LCK: variants seen among roughly 807,000 people sequenced by gnomAD.
LCK encodes tyrosine-protein kinase Lck.
A neutral mutation model predicts 64.6 loss-of-function variants in LCK; 14 were observed. The observed-to-expected ratio is 0.22, with a 90% CI of 0.14 to 0.34. LCK has a LOEUF of 0.34. Ranked by LOEUF, LCK falls within the 10% of genes least tolerant of loss-of-function variation. LCK has a pLI of 1.00. For synonymous variants in LCK, 277 were observed against 263.6 expected, an observed-to-expected ratio of 1.05 and a Z score of -0.49; for missense variants, 434 against 668.1, an observed-to-expected ratio of 0.65 and a Z score of 3.86.
At chr1:32,268,044 A>G (rs1188225162) in intron 1 of LCK, among the ~76,000 whole-genome samples, 1 of 151,690 alleles carries the variant, frequency 6.6e-6, no homozygotes, top group East Asian at 1.9e-4. Context: ...AATATAAAAA[A>G]TCAGCCAGGT....
chr1:32,261,952 GAAAAAA>G (rs934560000), intron 1 of LCK, among the ~76,000 whole-genome samples: 1 of 40,116 alleles, frequency 2.5e-5, no homozygotes, highest in Admixed American at 2.8e-4. Flanking sequence ...GACTCTGTCA[GAAAAAA>G]AAAAAAAAAA....
At chr1:32,283,231 G>A (rs1382005533) in intron 12 of LCK, among the ~76,000 whole-genome samples, 1 of 149,428 alleles carries the variant, frequency 6.7e-6, no homozygotes, top group Non-Finnish European at 1.5e-5. Flanking sequence ...GGAGGTTGCA[G>A]TGAGCCGAGA....
intron 1 of LCK, among the ~76,000 whole-genome samples, chr1:32,263,183 G>GCCCAT: frequency 2.6e-5 from 4 of 151,816 alleles, no homozygotes; most frequent in African/African-American, 9.7e-5. Context: ...CTTGAGGTTG[G>GCCCAT]GAGTTCGAGA....
intron 1 of LCK, among the ~76,000 whole-genome samples, chr1:32,272,648 A>AGAGAGAGAGAGAGAGC (rs1640115625): frequency 7.6e-6 from 1 of 132,168 alleles, no homozygotes; most frequent in Non-Finnish European, 1.5e-5. Context: ...AGAGAGAGAG[A>AGAGAGAGAGAGAGAGC]GCGAGAGAGC....
rs1170499196 is a variant in LCK at position 32,251,921 on chromosome 1, A to G, written c.-6+550A>G. 6.6e-6 allele frequency among the ~76,000 whole-genome samples: 1 copy of G among 151,876 alleles called. No homozygotes were observed. The highest frequency in any genetic ancestry group is 1.9e-4 in the East Asian group (1 of 5,154). On this transcript the variant is annotated intron_variant, in intron 1 of 12. Transcript: ENST00000336890. The surrounding 1 kb of genome is among the most constrained non-coding windows in gnomAD (Gnocchi z 4.0). ...GAGAGAGAGAGAGAGAGAGAGAGAG[A>G]GAGAGAGAGAGAGAGACAGAGATCA...
intron 1 of LCK, among the ~76,000 whole-genome samples, chr1:32,267,989 T>C (rs1352450357): frequency 1.3e-5 from 2 of 151,826 alleles, no homozygotes; most frequent in African/African-American, 2.4e-5. Flanking sequence ...GGTGAGGAGA[T>C]TGAGACCATC....
intron 1 of LCK, among the ~76,000 whole-genome samples, chr1:32,259,635 T>TA (rs200535845): frequency 1.4e-3 from 205 of 148,802 alleles, no homozygotes; most frequent in African/African-American, 4.8e-3. Context: ...ATAAAAATAA[T>TA]AATAATAATA....
chr1:32,280,710 C>A (rs1640433029), intron 12 of LCK, among the ~76,000 whole-genome samples: 1 of 152,070 alleles, frequency 6.6e-6, no homozygotes, highest in African/African-American at 2.4e-5. Flanking sequence ...CTGCCTCGGC[C>A]TCCCAGTGTT....
chr1:32,263,441 A>T (rs1263367414), intron 1 of LCK, among the ~76,000 whole-genome samples: 3 of 118,476 alleles, frequency 2.5e-5, no homozygotes, highest in African/African-American at 1.3e-4. Flanking sequence ...AAATAAATAA[A>T]TAAATAAAAA....
intron 9 of LCK, chr1:32,277,046 CT>C (rs1640301087): frequency 4.2e-6 from 1 of 239,714 alleles, no homozygotes; most frequent in African/African-American, 2.3e-5. Flanking sequence ...TCTGTCTCTA[CT>C]AAAAATACAA....
At chr1:32,252,160 CAG>C (rs1359656739) in intron 1 of LCK, among the ~76,000 whole-genome samples, 2 of 152,100 alleles carry the variant, frequency 1.3e-5, no homozygotes, top group Non-Finnish European at 2.9e-5. Context: ...TTATCCCAGA[CAG>C]GGGTGCAGTT....
Position 32,274,756 on chromosome 1 carries a change from C to G in LCK, c.125C>G (p.Ser42Cys). 2 of 1,599,660 alleles carry G rather than the reference C, an allele frequency of 1.3e-6. No homozygotes were observed. ...CCACAGCTGCTCATCCGAAATGGCT[C>G]TGAGGTGCGGGACCCACTGGTTACC... ...GKGTLLIRNGSEVRDPLVTYE... is the reference protein window; with the variant it reads ...GKGTLLIRNGCEVRDPLVTYE... Residue 42 changes from serine to cysteine, a missense_variant, in exon 3 of 13, where the codon TCT becomes TGT. Transcript: ENST00000336890.
At chr1:32,278,089 G>A (rs1294609211) in intron 9 of LCK, among the ~76,000 whole-genome samples, 3 of 152,148 alleles carry the variant, frequency 2.0e-5, no homozygotes, top group Non-Finnish European at 4.4e-5. Context: ...TGAGGTGGGA[G>A]GATCACTTGA....
Position 32,279,885 on chromosome 1 carries a change from T to C in LCK, c.1086T>C (p.His362=), listed in dbSNP as rs760378530. The C allele has an allele frequency of 4.3e-6, 7 of 1,614,184 alleles. No individual in the cohort carries two copies. In the South Asian group the frequency reaches 7.7e-5, roughly 18 times the overall value. ...TCATTGAAGAGCGGAATTATATTCA[T>C]CGTGACCTTCGGGCTGCCAACATTC... The part of the protein sequence containing the change: ...MAFIEERNYI[H]RDLRAANILV... Residue 362 remains histidine (H), a synonymous_variant, in exon 11 of 13, where the codon CAT becomes CAC. Transcript: ENST00000336890.
chr1:32,283,119 T>A (rs1336529002), intron 12 of LCK, among the ~76,000 whole-genome samples: 6 of 151,566 alleles, frequency 4.0e-5, no homozygotes, highest in Non-Finnish European at 8.8e-5. Flanking sequence ...TGAAACCCCA[T>A]CTCTACTAAA....
Position 32,276,215 on chromosome 1 carries a change from G to A in LCK, c.632-122G>A. ...ACCCTACGGCCCCAAGTGTTTGGGTGACAGCCCCACACCCCCTTGCTAGTC... is the reference window on the plus strand; with the variant it reads ...ACCCTACGGCCCCAAGTGTTTGGGTAACAGCCCCACACCCCCTTGCTAGTC... On this transcript the variant is annotated intron_variant, in intron 7 of 12. Coordinates refer to ENST00000336890, the MANE Select transcript of LCK (RefSeq NM_005356.5). The surrounding 1 kb of genome is among the most constrained non-coding windows in gnomAD (Gnocchi z 4.6). 2 of 1,458,410 alleles carry A rather than the reference G, an allele frequency of 1.4e-6. No individual in the cohort carries two copies. The highest frequency in any genetic ancestry group is 4.2e-5 in the Admixed American group (2 of 47,246). 90.3% of individuals were successfully genotyped at this position (1,458,410 alleles called of 1,614,324 possible).
At chr1:32,252,259 C>T (rs972993517) in intron 1 of LCK, among the ~76,000 whole-genome samples, 11 of 152,182 alleles carry the variant, frequency 7.2e-5, no homozygotes, top group Non-Finnish European at 1.5e-4. Flanking sequence ...GTCCTCCCCT[C>T]GCCCCTGGCT....
At chr1:32,263,499 G>A (rs1311380813) in intron 1 of LCK, among the ~76,000 whole-genome samples, 1 of 152,042 alleles carries the variant, frequency 6.6e-6, no homozygotes, top group African/African-American at 2.4e-5. Context: ...CACTTTCGGA[G>A]TCTGAGGTGG....
rs1569985556 is a variant in LCK at position 32,286,131 on chromosome 1, A to G, written c.*415A>G. 4 of 287,716 alleles carry G rather than the reference A, an allele frequency of 1.4e-5. No homozygotes were observed. In the East Asian group the frequency reaches 1.5e-4, roughly 10 times the overall value. 17.8% of individuals were successfully genotyped at this position (287,716 alleles called of 1,614,324 possible). A position where few individuals can be genotyped will look rare whatever the true frequency, so the allele number is the denominator to read the frequency against. On this transcript the variant is annotated 3_prime_UTR_variant, in exon 13 of 13. Transcript: ENST00000336890. ...CTTGGTGCCTGGCCTGGCACACATCAGGAGTTCAATAAATGTCTGTTGATG... is the reference window on the plus strand; with the variant it reads ...CTTGGTGCCTGGCCTGGCACACATCGGGAGTTCAATAAATGTCTGTTGATG...
Sources: allele counts gnomAD v4.1 joint callset (sites outside exome capture counted in the v4.1 genomes callset), GRCh38; gene constraint gnomAD v4.1.1; non-coding constraint Gnocchi (gnomAD v3.1); transcripts MANE v1.5; gene names NCBI Gene and HGNC (gene_info 2026-07-23, HGNC 2026-07-21).